The following SECISBP2L variants were observed in gnomAD, a reference collection of about 807,000 sequenced individuals.
SECISBP2L encodes the protein selenocysteine insertion sequence-binding protein 2-like.
SECISBP2L carries 43 observed loss-of-function variants against 114.7 expected under a neutral mutation model. The observed-to-expected ratio is 0.38, with a 90% confidence interval of 0.29 to 0.48. The LOEUF is 0.48. Ranked by LOEUF, SECISBP2L falls within the 20% of genes least tolerant of loss-of-function variation. The pLI is 0.98. For synonymous variants in SECISBP2L, 451 were observed against 439.7 expected (o/e 1.03, Z -0.32); for missense variants, 1,136 against 1,301.1 (o/e 0.87, Z 1.95).
chr15:49,026,500 TATC>T (rs1902746332), intron 7 of SECISBP2L, among the ~76,000 whole-genome samples: 1 of 152,170 alleles, frequency 6.6e-6, no homozygotes, highest in African/African-American at 2.4e-5. Flanking sequence ...TATGTACAGT[TATC>T]ATGTGTCGAC....
At chr15:48,999,724 A>T in intron 16 of SECISBP2L, 109 bp downstream of exon 16, 5 of 1,130,818 alleles carry the variant, frequency 4.4e-6, no homozygotes, top group Non-Finnish European at 6.1e-6. Context: ...CAGGGTTGTC[A>T]ACTCACTCCT....
chr15:49,008,317 T>C (rs2141066928), intron 14 of SECISBP2L, among the ~76,000 whole-genome samples: 1 of 152,334 alleles, frequency 6.6e-6, no homozygotes, highest in East Asian at 1.9e-4. Context: ...CAGAAGAATA[T>C]ATATAAATGC....
rs1595795197 is a variant in SECISBP2L at position 49,033,172 on chromosome 15, A to G, written c.529-72T>C. ...ATGTACTGAACATTATAAAAAACAC[A>G]TCTAAAATAAACATTATAAAATACA... On this transcript the variant is annotated intron_variant, in intron 3 of 17. Coordinates refer to ENST00000559471, the MANE Select transcript of SECISBP2L (RefSeq NM_001193489.2). 7 of 1,480,132 alleles carry G rather than the reference A, an allele frequency of 4.7e-6. 1 individual carries two copies. The highest frequency in any genetic ancestry group is 1.8e-6 in the Non-Finnish European group (2 of 1,096,496). The allele number at this position is 1,480,132 out of a possible 1,614,324, so 91.7% of individuals were successfully genotyped here.
At chr15:49,033,264 C>A (rs772324413) in intron 3 of SECISBP2L, among the ~76,000 whole-genome samples, 164 bp from the exon 4 acceptor site, 1 of 152,136 alleles carries the variant, frequency 6.6e-6, no homozygotes, top group Non-Finnish European at 1.5e-5. Flanking sequence ...TCATGAAATG[C>A]CTGCAGCAAA....
At position 48,992,374 on chromosome 15, in the gene SECISBP2L, A is replaced by G. The variant is rs1299326933; in HGVS notation, c.3176T>C (p.Leu1059Pro). 1.2e-6 allele frequency: 2 copies of G among 1,614,190 alleles called. No individual in the cohort carries two copies. The highest frequency in any genetic ancestry group is 1.7e-6 in the Non-Finnish European group (2 of 1,180,036). Residue 1059 changes from leucine to proline, a missense_variant, in exon 18 of 18, where the codon CTG becomes CCG. By Grantham distance (98) the Leu-to-Pro change is moderately conservative. Coordinates refer to ENST00000559471, the MANE Select transcript of SECISBP2L (RefSeq NM_001193489.2). ...TGCCTCACTGTCCATCCCTGGCTCC[A>G]GCACCTCAGGCGCCTCTGCTTCCTC... ...GEEEAEAPEVLEPGMDSEAWT... is the reference protein window; with the variant it reads ...GEEEAEAPEVPEPGMDSEAWT...
intron 4 of SECISBP2L, 25 bp downstream of exon 4, chr15:49,032,940 G>A (rs370739015): frequency 2.2e-5 from 35 of 1,604,948 alleles, no homozygotes; most frequent in African/African-American, 2.2e-4. Context: ...AATCAGTGAC[G>A]CACATGTAAG....
In SECISBP2L at chr15:49,035,476, G is replaced by A; in HGVS notation, c.386C>T (p.Pro129Leu). Residue 129 changes from proline to leucine, a missense_variant, in exon 3 of 18, where the codon CCT becomes CTT. By Grantham distance (98) the Pro-to-Leu change is moderately conservative. Around this residue, in one of 2 missense-constraint regions of SECISBP2L, gnomAD observed 452 missense variants for 452.3 expected, o/e 1.00. Coordinates refer to ENST00000559471, the MANE Select transcript of SECISBP2L (RefSeq NM_001193489.2). ...TGCAGCCTGAAAGGTGTTGGAGTAAGGTGTAGGAAAAGGATGATAGAAACC... is the reference window on the plus strand; with the variant it reads ...TGCAGCCTGAAAGGTGTTGGAGTAAAGTGTAGGAAAAGGATGATAGAAACC... ...VMGFYHPFPT[P>L]YSNTFQAANT... The A allele has an allele frequency of 6.2e-7, 1 of 1,614,152 alleles. No homozygotes were observed. Among genetic ancestry groups the A allele is most frequent in the Non-Finnish European group, 8.5e-7 (1 of 1,180,000 alleles).
At chr15:49,012,586 C>T in intron 12 of SECISBP2L, 62 bp downstream of exon 12, 1 of 1,560,580 alleles carries the variant, frequency 6.4e-7, no homozygotes, top group Non-Finnish European at 8.7e-7. Context: ...CCTACTTTTA[C>T]AAAACAGATT....
rs576553642 is a variant in SECISBP2L at position 49,005,814 on chromosome 15, T to C, written c.2027+3402A>G. On this transcript the variant is annotated intron_variant, in intron 14 of 17. Transcript: ENST00000559471. ...GTCATTATGATGCTAGCTGGTTATTTTGCCCCTCAGTTGATGCAGTTTCTT... is the reference window on the plus strand; with the variant it reads ...GTCATTATGATGCTAGCTGGTTATTCTGCCCCTCAGTTGATGCAGTTTCTT... 9.2e-5 allele frequency among the ~76,000 whole-genome samples: 14 copies of C among 152,202 alleles called. 1 individual carries two copies. The South Asian group carries it at 2.7e-3, about 29-fold the overall frequency.
In SECISBP2L at chr15:49,016,566, A is replaced by G. The variant is rs761648576; in HGVS notation, c.1555T>C (p.Tyr519His). Residue 519 changes from tyrosine (Y) to histidine (H), a missense_variant, in exon 11 of 18, where the codon TAT becomes CAT. Around this residue, in one of 2 missense-constraint regions of SECISBP2L, gnomAD observed 684 missense variants for 848.7 expected, o/e 0.81. Coordinates refer to ENST00000559471, the MANE Select transcript of SECISBP2L (RefSeq NM_001193489.2). ...RQITNTRPLSYTVVTAASFHT... is the reference protein window; with the variant it reads ...RQITNTRPLSHTVVTAASFHT... ...CTCAGACTAATGATATCACCTGTAT[A>G]TGACAGAGGTCTGGTGTTAGTAATT... The G allele has an allele frequency of 1.2e-6, 2 of 1,606,662 alleles. No individual in the cohort carries two copies. Among genetic ancestry groups the G allele is most frequent in the Admixed American group, 3.4e-5 (2 of 58,580 alleles).
At chr15:49,008,010 C>T (rs938512903) in intron 14 of SECISBP2L, among the ~76,000 whole-genome samples, 1 of 152,106 alleles carries the variant, frequency 6.6e-6, no homozygotes, top group South Asian at 2.1e-4. Flanking sequence ...AAGTCAGAAG[C>T]GTGAGGCCAC....
At chr15:49,003,645 C>G (rs953355391) in intron 14 of SECISBP2L, among the ~76,000 whole-genome samples, 4 of 152,052 alleles carry the variant, frequency 2.6e-5, no homozygotes, top group African/African-American at 7.2e-5. Context: ...GTTTTTAGCA[C>G]GAAGGGCTGT....
Position 49,035,629 on chromosome 15 carries a change from C to T in SECISBP2L, c.233G>A (p.Arg78Gln), listed in dbSNP as rs759393780. 3.0e-5 allele frequency: 49 copies of T among 1,612,054 alleles called. 1 individual carries two copies. In the South Asian group the frequency reaches 4.5e-4, roughly 15 times the overall value. ...RQFPLYNNDI[R>Q]WQQPNPNPTG... ...AGGGTTTGGATTGGGTTGTTGCCAT[C>T]GTATATCATTGTTATATAAAGGAAA... The change falls in exon 3 of 18, where the codon CGA becomes CAA. Residue 78 changes from arginine to glutamine, a missense_variant. Around this residue, in one of 2 missense-constraint regions of SECISBP2L, gnomAD observed 452 missense variants for 452.3 expected, o/e 1.00. Transcript: ENST00000559471.
At chr15:49,004,596 G>A (rs1385439208) in intron 14 of SECISBP2L, among the ~76,000 whole-genome samples, 2 of 152,194 alleles carry the variant, frequency 1.3e-5, no homozygotes, top group Non-Finnish European at 2.9e-5. Flanking sequence ...TCTAAACACT[G>A]CTTTAGCTGT....
In SECISBP2L at chr15:49,035,501, C is replaced by T. The variant is rs1472876693; in HGVS notation, c.361G>A (p.Gly121Ser). Reference protein sequence around the residue: ...LMPAPCAQVMGFYHPFPTPYS... With the variant: ...LMPAPCAQVMSFYHPFPTPYS... ...GGTGTAGGAAAAGGATGATAGAAAC[C>T]CATAACCTGGGCACATGGTGCTGGC... Residue 121 changes from glycine to serine, a missense_variant, in exon 3 of 18, where the codon GGT (glycine) becomes AGT (serine). Physicochemically the swap from Gly to Ser is moderately conservative, Grantham distance 56 (BLOSUM62 0). Coordinates refer to ENST00000559471, the MANE Select transcript of SECISBP2L (RefSeq NM_001193489.2). 1 of 1,614,098 alleles carries T rather than the reference C, an allele frequency of 6.2e-7. No homozygotes were observed. Among genetic ancestry groups the T allele is most frequent in the East Asian group, 2.2e-5 (1 of 44,884 alleles).
intron 13 of SECISBP2L, among the ~76,000 whole-genome samples, chr15:49,010,825 T>G (rs1902423022): frequency 1.3e-5 from 2 of 152,238 alleles, no homozygotes; most frequent in Admixed American, 1.3e-4. Context: ...GTGTATCTTC[T>G]TACCTTCCTA....
chr15:49,040,701 A>C (rs1454908533), intron 1 of SECISBP2L, among the ~76,000 whole-genome samples: 1 of 150,540 alleles, frequency 6.6e-6, no homozygotes, highest in Admixed American at 6.6e-5. Context: ...ACGCCCGGCT[A>C]ATTTTTTTTT....
rs41429448 is a variant in SECISBP2L, at chr15:48,997,988, T to C, written c.2404-1402A>G. ...ACAGCCACCAGAAGGCCAATCTATA[T>C]GACTTTTAGTTATGCCATAATTCTA... On this transcript the variant is annotated intron_variant, in intron 16 of 17. Transcript: ENST00000559471. Among the ~76,000 whole-genome samples, 626 of 152,368 alleles carry C rather than the reference T, an allele frequency of 4.1e-3. 10 individuals carry two copies. Among genetic ancestry groups the C allele is most frequent in the African/African-American group, 0.014 (596 of 41,592 alleles).
chr15:48,992,844 G>T lies in SECISBP2L; in HGVS notation c.2706C>A (p.Ser902Arg), dbSNP rs1204662249. ...ENEKEVSCKH[S>R]TSEKPSKLPF... ...GAAGTTTACTGGGTTTTTCAGAAGT[G>T]CTGTGCTTACAGGATACCTCTTTCT... Residue 902 changes from serine (S) to arginine (R), a missense_variant, in exon 18 of 18, where the codon AGC (serine) becomes AGA (arginine). This residue lies in a region of SECISBP2L where 684 missense variants were observed against 848.7 expected (regional missense o/e 0.81). Transcript: ENST00000559471. 1 of 1,614,170 alleles carries T rather than the reference G, an allele frequency of 6.2e-7. No individual in the cohort carries two copies.
Sources: allele counts gnomAD v4.1 joint callset (sites outside exome capture counted in the v4.1 genomes callset), GRCh38; gene constraint gnomAD v4.1.1; regional missense constraint gnomAD v4.1.1; transcripts MANE v1.5; gene names NCBI Gene and HGNC (gene_info 2026-07-23, HGNC 2026-07-21).